Variants in ANKRD30A observed in about 807,000 individuals in gnomAD.
The protein encoded by ANKRD30A is ankyrin repeat domain 30A.
ANKRD30A carries 170 observed loss-of-function variants against 166.3 expected under a neutral mutation model. The observed-to-expected ratio is 1.02, with a 90% CI of 0.90 to 1.16. The LOEUF (loss-of-function observed/expected upper bound fraction) is 1.16, where lower values mean the gene tolerates loss of function less well. Ranked by LOEUF, ANKRD30A falls within the 50% of genes most tolerant of loss-of-function variation. The pLI is 0.00. For missense variants in ANKRD30A, 1,630 were observed against 1,518.0 expected (o/e 1.07, Z -1.23); for synonymous variants, 564 against 508.9 (o/e 1.11, Z -1.46).
chr10:37,207,401 T>C (rs1348137957), intron 31 of ANKRD30A, among the ~76,000 whole-genome samples: 1 of 152,178 alleles, frequency 6.6e-6, no homozygotes, highest in Non-Finnish European at 1.5e-5. Flanking sequence ...ATAGATGCCA[T>C]ATGATAAATG....
At chr10:37,254,294 A>C in the ANKRD30A span, among the ~76,000 whole-genome samples, 1 of 152,176 alleles carries the variant, frequency 6.6e-6, no homozygotes, top group Non-Finnish European at 1.5e-5. Flanking sequence ...ACCACCTCAC[A>C]GTTTTCCAAA....
At position 37,152,136 on chromosome 10, in the gene ANKRD30A, T is replaced by C. The variant is rs766677311; in HGVS notation, c.1707+15T>C. The C allele has an allele frequency of 5.7e-6, 9 of 1,584,740 alleles. No homozygotes were observed. Among genetic ancestry groups the C allele is most frequent in the Middle Eastern group, 1.7e-4 (1 of 6,016 alleles). Reference sequence around the variant, plus strand: ...GGGATTCTGAGGTACTATGTGTTATTGATTTTTTTTTAATATTAGTATTGC... The same window carrying C: ...GGGATTCTGAGGTACTATGTGTTATCGATTTTTTTTTAATATTAGTATTGC... On this transcript the variant is annotated intron_variant, in intron 12 of 35. Transcript: ENST00000361713.
chr10:37,150,871 C>G lies in ANKRD30A; in HGVS notation c.1645+1022C>G, dbSNP rs550209975. Among the ~76,000 whole-genome samples the G allele has an allele frequency of 1.4e-4, 21 of 152,122 alleles. 1 individual carries two copies. The East Asian group carries it at 3.9e-3, about 28-fold the overall frequency. On this transcript the variant is annotated intron_variant, in intron 11 of 35. Transcript: ENST00000361713. ...TAAAAGTAAAATATTTAAAGTATTT[C>G]CTTGTGCAATCATACACTCCACTAA...
At chr10:37,224,211 A>G (rs1447946873) in intron 34 of ANKRD30A, among the ~76,000 whole-genome samples, 1 of 151,216 alleles carries the variant, frequency 6.6e-6, no homozygotes, top group African/African-American at 2.4e-5. Flanking sequence ...TTATTTCTGA[A>G]GATATTTTTG....
At chr10:37,128,992 T>C (rs1046062060) in intron 1 of ANKRD30A, among the ~76,000 whole-genome samples, 4 of 152,214 alleles carry the variant, frequency 2.6e-5, no homozygotes, top group African/African-American at 7.2e-5. Flanking sequence ...AAATACGGAA[T>C]AAGATGAGCC....
intron 7 of ANKRD30A, among the ~76,000 whole-genome samples, 163 bp from the exon 8 acceptor site, chr10:37,144,832 C>G (rs1837385927): frequency 6.6e-6 from 1 of 152,154 alleles, no homozygotes; most frequent in African/African-American, 2.4e-5. Flanking sequence ...GATTGCAGCT[C>G]TAACCATTTG....
the ANKRD30A span, among the ~76,000 whole-genome samples, chr10:37,258,653 TAA>T: frequency 2.8e-4 from 32 of 116,202 alleles, no homozygotes; most frequent in South Asian, 8.3e-4. Flanking sequence ...GGTTAAAAAT[TAA>T]AAAAAAAAAA....
intron 13 of ANKRD30A, among the ~76,000 whole-genome samples, chr10:37,155,758 TG>T (rs537854831): frequency 1.1e-4 from 16 of 152,274 alleles, no homozygotes; most frequent in Admixed American, 1.0e-3. Context: ...GTTTAGTTTT[TG>T]TTCAGCGATT....
In ANKRD30A at chr10:37,132,323, G is replaced by T; in HGVS notation, c.594G>T (p.Ala198=). The T allele has an allele frequency of 1.3e-6, 2 of 1,599,464 alleles. No homozygotes were observed. Among genetic ancestry groups the T allele is most frequent in the Non-Finnish European group, 8.5e-7 (1 of 1,172,064 alleles). ...TTTTGCTGATAAAAAATGCAAATGC[G>T]AATGCAGTTAATAAGTATAAATGGT... ...VEFLLIKNAN[A]NAVNKYKCTA... The change falls in exon 4 of 36, where the codon GCG becomes GCT. Residue 198 remains alanine (A), a synonymous_variant. Coordinates refer to ENST00000361713, the MANE Select transcript of ANKRD30A (RefSeq NM_052997.3).
intron 29 of ANKRD30A, 114 bp downstream of exon 29, chr10:37,197,594 A>T (rs1841243050): frequency 1.3e-6 from 2 of 1,493,338 alleles, no homozygotes; most frequent in Non-Finnish European, 1.8e-6. Flanking sequence ...GTTTTGATCT[A>T]GGTAATGCCA....
chr10:37,152,310 G>T (rs559880936), intron 12 of ANKRD30A, among the ~76,000 whole-genome samples, 189 bp downstream of exon 12: 1 of 152,152 alleles, frequency 6.6e-6, no homozygotes, highest in African/African-American at 2.4e-5. Context: ...GAAATTCTGG[G>T]AATTTGTACG....
the ANKRD30A span, among the ~76,000 whole-genome samples, chr10:37,256,434 C>T: frequency 1.3e-5 from 2 of 152,060 alleles, no homozygotes; most frequent in Admixed American, 6.6e-5. Flanking sequence ...TATATTTCTT[C>T]GTAGCACTTA....
intron 24 of ANKRD30A, among the ~76,000 whole-genome samples, chr10:37,178,878 C>T (rs1469716525): frequency 1.3e-5 from 2 of 150,724 alleles, no homozygotes; most frequent in East Asian, 2.0e-4. Flanking sequence ...GAGCTCACTT[C>T]GGAAGCATTT....
chr10:37,205,152 A>G (rs1736907133), intron 31 of ANKRD30A, among the ~76,000 whole-genome samples: 1 of 152,176 alleles, frequency 6.6e-6, no homozygotes, highest in African/African-American at 2.4e-5. Flanking sequence ...ATGCACACAT[A>G]TGTTTATTGC....
chr10:37,265,114 G>A, the ANKRD30A span, among the ~76,000 whole-genome samples: 25 of 152,188 alleles, frequency 1.6e-4, no homozygotes, highest in African/African-American at 5.3e-4. Flanking sequence ...TCATTGTTCC[G>A]TCTCTTTGAA....
rs775604205 is a variant in ANKRD30A at position 37,146,507 on chromosome 10, C to T, written c.1456-863C>T. 6.3e-4 allele frequency among the ~76,000 whole-genome samples: 96 copies of T among 152,262 alleles called. 1 individual carries two copies. Among genetic ancestry groups the T allele is most frequent in the Non-Finnish European group, 1.0e-3 (71 of 68,016 alleles). ...CAGGGAGTCTGTCCCTTGCAGACCC[C>T]TGACCCGGGGACAGATGAATAAAGT... On this transcript the variant is annotated intron_variant, in intron 8 of 35. Transcript: ENST00000361713.
intron 31 of ANKRD30A, among the ~76,000 whole-genome samples, chr10:37,204,925 C>G (rs536063878): frequency 6.6e-6 from 1 of 152,152 alleles, no homozygotes; most frequent in African/African-American, 2.4e-5. Flanking sequence ...GTTAGAATGG[C>G]GATCATTAAA....
intron 25 of ANKRD30A, among the ~76,000 whole-genome samples, chr10:37,191,276 T>C (rs1441623975): frequency 6.6e-6 from 1 of 151,866 alleles, no homozygotes; most frequent in Admixed American, 6.6e-5. Context: ...GGTATGAAAA[T>C]CAAGGAATAT....
intron 29 of ANKRD30A, 68 bp from the exon 30 acceptor site, chr10:37,199,659 G>C (rs539199396): frequency 1.2e-5 from 13 of 1,050,788 alleles, no homozygotes; most frequent in Admixed American, 2.1e-5. Flanking sequence ...AAGTAGATTT[G>C]TATATGTTTT....
Sources: allele counts gnomAD v4.1 joint callset (sites outside exome capture counted in the v4.1 genomes callset), GRCh38; gene constraint gnomAD v4.1.1; transcripts MANE v1.5; gene names NCBI Gene and HGNC (gene_info 2026-07-23, HGNC 2026-07-21).